BICRAL: variants seen among roughly 807,000 people sequenced by gnomAD.
The protein encoded by BICRAL is BRD4-interacting chromatin-remodeling complex-associated protein-like.
BICRAL carries 8 observed loss-of-function variants against 91.8 expected under a neutral mutation model. That is an observed-to-expected ratio of 0.09 (90% CI 0.05 to 0.16). The LOEUF is 0.16. BICRAL is among the 10% of genes least tolerant of loss of function. The probability of loss-of-function intolerance (pLI) is 1.00; values close to 1 mark genes in which losing one functional copy is unlikely to be tolerated. For synonymous variants in BICRAL, 445 were observed against 491.1 expected (o/e 0.91, Z 1.24); for missense variants, 1,038 against 1,310.9 (o/e 0.79, Z 3.21).
rs1002082192 is a variant in BICRAL, at chr6:42,829,602, A to G, written c.1269A>G (p.Gln423=). 3 of 1,614,108 alleles carry G rather than the reference A, an allele frequency of 1.9e-6. No individual in the cohort carries two copies. Among genetic ancestry groups the G allele is most frequent in the Non-Finnish European group, 8.5e-7 (1 of 1,180,038 alleles). The change falls in exon 6 of 13, where the codon CAA becomes CAG. Residue 423 remains glutamine (Q), a synonymous_variant. Coordinates refer to ENST00000314073, the MANE Select transcript of BICRAL (RefSeq NM_001393499.1). ...ACCACGTCCAGACTATAAATGGGCA[A>G]CTTCTTCAAACTCAACCCTCTCAGC... The part of the protein sequence containing the change: ...SVHHVQTING[Q]LLQTQPSQLI...
chr6:42,815,621 CTG>C (rs1466039666), intron 2 of BICRAL, among the ~76,000 whole-genome samples: 1 of 152,138 alleles, frequency 6.6e-6, no homozygotes, highest in Non-Finnish European at 1.5e-5. Context: ...AATTAATACA[CTG>C]TTATATCTCT....
intron 1 of BICRAL, among the ~76,000 whole-genome samples, chr6:42,783,715 C>T (rs1319323084): frequency 6.6e-6 from 1 of 152,222 alleles, no homozygotes; most frequent in Non-Finnish European, 1.5e-5. Context: ...GGGCCAGCTT[C>T]TTCCTCCTAA....
chr6:42,862,424 T>G, intron 11 of BICRAL, 86 bp from the exon 12 acceptor site: 1 of 867,946 alleles, frequency 1.2e-6, no homozygotes, highest in Non-Finnish European at 1.9e-6. Context: ...TCTTTTGAAT[T>G]TTGTACCAAT....
chr6:42,779,809 C>T (rs926406830), upstream of BICRAL, among the ~76,000 whole-genome samples: 1 of 152,058 alleles, frequency 6.6e-6, no homozygotes, highest in African/African-American at 2.4e-5. Flanking sequence ...TTGGTAGAGA[C>T]GGGGTTTCAC....
At position 42,822,924 on chromosome 6, in the gene BICRAL, T is replaced by C. The variant is rs1377612358; in HGVS notation, c.91-11T>C. ...AAGTAGTAACCACCTATTGAATTTG[T>C]ATCTTTGCAGAGCAATGATGACTTG... On this transcript the variant is annotated splice_polypyrimidine_tract_variant and intron_variant, in intron 4 of 12. Transcript: ENST00000314073. The C allele has an allele frequency of 6.3e-7, 1 of 1,599,514 alleles. No homozygotes were observed. Among genetic ancestry groups the C allele is most frequent in the African/African-American group, 1.3e-5 (1 of 74,680 alleles).
intron 10 of BICRAL, among the ~76,000 whole-genome samples, chr6:42,859,838 G>C (rs190197291): frequency 6.6e-6 from 1 of 152,060 alleles, no homozygotes; most frequent in East Asian, 1.9e-4. Flanking sequence ...GTAGAGATGG[G>C]GTTTCACCAT....
rs1254207988 is a variant in BICRAL at position 42,860,433 on chromosome 6, A to G, written c.2349+77A>G. ...CACTAAATCAGAGACAGAAAGGTCA[A>G]GGAATTATAGAATATAATGTAAAAG... is the stretch of plus-strand genomic sequence containing the variant. On this transcript the variant is annotated intron_variant, in intron 11 of 12. Transcript: ENST00000314073. 5.0e-6 allele frequency: 4 copies of G among 802,368 alleles called. No homozygotes were observed. In the African/African-American group the frequency reaches 6.9e-5, roughly 14 times the overall value. The allele number at this position is 802,368 out of a possible 1,614,324, so 49.7% of individuals were successfully genotyped here.
chr6:42,778,130 T>G (rs187417859), upstream of BICRAL, among the ~76,000 whole-genome samples: 1 of 152,358 alleles, frequency 6.6e-6, no homozygotes, highest in Admixed American at 6.5e-5. Flanking sequence ...TCTCCTACTG[T>G]GTCCCAGTAT....
intron 1 of BICRAL, among the ~76,000 whole-genome samples, chr6:42,790,202 G>A (rs1052853966): frequency 2.6e-5 from 4 of 152,120 alleles, no homozygotes. Context: ...CTGTTACCCA[G>A]CCTGGAGTGC....
At chr6:42,760,644 A>G (rs1762530038) in intron 1 of BICRAL, among the ~76,000 whole-genome samples, 1 of 152,074 alleles carries the variant, frequency 6.6e-6, no homozygotes, top group African/African-American at 2.4e-5. Context: ...GGGCTCAAGC[A>G]ATCTGCTCAT....
At chr6:42,857,265 C>A in intron 10 of BICRAL, 29 bp downstream of exon 10, 1 of 1,583,100 alleles carries the variant, frequency 6.3e-7, no homozygotes, top group Non-Finnish European at 8.6e-7. Context: ...TAAGGCACCA[C>A]TCTGATACCA....
In BICRAL at chr6:42,814,499, G is replaced by GTGTATATA. The variant is rs374054837; in HGVS notation, c.-6+4099_-6+4100insGTATATAT. Among the ~76,000 whole-genome samples, 112 of 61,236 alleles carry GTGTATATA rather than the reference G, an allele frequency of 1.8e-3. 1 individual carries two copies. Among genetic ancestry groups the GTGTATATA allele is most frequent in the African/African-American group, 6.5e-3 (82 of 12,598 alleles). 40.2% of individuals were successfully genotyped at this position (61,236 alleles called of 152,430 possible). The stretch of plus-strand genomic sequence containing the variant: ...CATGCATGTGTGTGTGTGTGTGTGT[G>GTGTATATA]TATATATATATATATATATATTTTT... On this transcript the variant is annotated intron_variant, in intron 2 of 12. Coordinates refer to ENST00000314073, the MANE Select transcript of BICRAL (RefSeq NM_001393499.1).
chr6:42,809,643 T>C (rs1582835403), intron 1 of BICRAL, among the ~76,000 whole-genome samples: 1 of 151,678 alleles, frequency 6.6e-6, no homozygotes, highest in Middle Eastern at 3.4e-3. Context: ...CCCAGCTAAT[T>C]TTTTGTATTT....
At chr6:42,767,026 T>G (rs1431176284) in intron 1 of BICRAL, among the ~76,000 whole-genome samples, 1 of 140,566 alleles carries the variant, frequency 7.1e-6, no homozygotes. Context: ...GGCAACAGAG[T>G]GAGACTCCAT....
intron 11 of BICRAL, among the ~76,000 whole-genome samples, chr6:42,861,764 C>T (rs1450324733): frequency 1.3e-5 from 2 of 151,746 alleles, no homozygotes; most frequent in Admixed American, 6.6e-5. Context: ...TTTGGGAGGC[C>T]GAGGTGGGTG....
At chr6:42,780,752 G>T (rs1217129757), upstream of BICRAL, among the ~76,000 whole-genome samples, 2 of 151,840 alleles carry the variant, frequency 1.3e-5, no homozygotes, top group African/African-American at 4.8e-5. Context: ...GTTTTGTTTT[G>T]TTTTTGTTTG....
chr6:42,856,005 T>C (rs1262878680), intron 9 of BICRAL, 88 bp downstream of exon 9: 1 of 1,044,958 alleles, frequency 9.6e-7, no homozygotes, highest in Non-Finnish European at 1.5e-6. Flanking sequence ...AAACAGGTTA[T>C]AATAATGAGT....
At chr6:42,830,614 C>G (rs1008383407) in intron 6 of BICRAL, among the ~76,000 whole-genome samples, 2 of 151,242 alleles carry the variant, frequency 1.3e-5, no homozygotes, top group African/African-American at 4.9e-5. Flanking sequence ...TCTTGATTTT[C>G]TTTTTTGCCA....
intron 1 of BICRAL, among the ~76,000 whole-genome samples, chr6:42,773,526 T>C (rs1027356138): frequency 1.2e-4 from 19 of 152,078 alleles, no homozygotes; most frequent in Admixed American, 2.6e-4. Context: ...CCTTTTTTTG[T>C]GTGTGTGAGA....
Sources: gnomAD v4.1 joint callset for allele counts (sites outside exome capture counted in the v4.1 genomes callset) on GRCh38, gnomAD v4.1.1 for gene constraint, MANE v1.5 for transcripts, NCBI Gene and HGNC (gene_info 2026-07-23, HGNC 2026-07-21) for gene names.